Variants in ARHGAP15 observed in about 807,000 individuals in gnomAD.
ARHGAP15 encodes rho GTPase-activating protein 15.
A neutral mutation model predicts 63.7 loss-of-function variants in ARHGAP15; 51 were observed. The ratio of observed to expected loss-of-function variants is 0.80; its 90% CI spans 0.64 to 1.01. The LOEUF is 1.01. ARHGAP15 is among the 50% of genes least tolerant of loss of function. The pLI is 0.00. For missense variants in ARHGAP15, 560 were observed against 564.6 expected (o/e 0.99, Z 0.08); for synonymous variants, 191 against 193.8 (o/e 0.99, Z 0.12).
At chr2:143,441,008 A>G (rs969321640) in intron 8 of ARHGAP15, among the ~76,000 whole-genome samples, 3 of 152,208 alleles carry the variant, frequency 2.0e-5, no homozygotes, top group Non-Finnish European at 2.9e-5. Flanking sequence ...ATCTATAAAA[A>G]TGGGTCTAAT....
chr2:143,138,276 T>A (rs1689225037), intron 1 of ARHGAP15, among the ~76,000 whole-genome samples: 1 of 152,042 alleles, frequency 6.6e-6, no homozygotes, highest in African/African-American at 2.4e-5. Flanking sequence ...GAAGCTAAGG[T>A]TAAGAGATTA....
At chr2:143,638,919 T>C (rs1344893233) in intron 12 of ARHGAP15, among the ~76,000 whole-genome samples, 2 of 152,060 alleles carry the variant, frequency 1.3e-5, no homozygotes, top group African/African-American at 4.8e-5. Context: ...TTTCACTATT[T>C]AAGTTTATTT....
chr2:143,400,825 G>A (rs1022687471), intron 6 of ARHGAP15, among the ~76,000 whole-genome samples: 1 of 151,984 alleles, frequency 6.6e-6, no homozygotes, highest in Non-Finnish European at 1.5e-5. Flanking sequence ...TAGGGGAGTT[G>A]AGTAGACTTT....
chr2:143,664,903 G>C (rs374456588), intron 12 of ARHGAP15, among the ~76,000 whole-genome samples: 2 of 151,840 alleles, frequency 1.3e-5, no homozygotes, highest in Non-Finnish European at 2.9e-5. Context: ...AATAACAGGA[G>C]CTGAAATTGT....
chr2:143,240,729 T>A (rs1302839030), intron 5 of ARHGAP15, among the ~76,000 whole-genome samples: 1 of 152,084 alleles, frequency 6.6e-6, no homozygotes, highest in Non-Finnish European at 1.5e-5. Context: ...ATCTGGAGGA[T>A]AATGGGTAGA....
chr2:143,506,877 G>T (rs1693348489), intron 9 of ARHGAP15, among the ~76,000 whole-genome samples: 1 of 138,242 alleles, frequency 7.2e-6, no homozygotes, highest in Non-Finnish European at 1.6e-5. Flanking sequence ...GAAATATTAG[G>T]GTATTTTCCT....
intron 12 of ARHGAP15, among the ~76,000 whole-genome samples, chr2:143,636,500 TGCTCAGA>T (rs1453000015): frequency 6.6e-6 from 1 of 152,146 alleles, no homozygotes; most frequent in Non-Finnish European, 1.5e-5. Context: ...GGATTTGTGA[TGCTCAGA>T]GCTTCTGCGA....
At chr2:143,360,219 T>TAA (rs34612735) in intron 6 of ARHGAP15, among the ~76,000 whole-genome samples, 21 of 137,912 alleles carry the variant, frequency 1.5e-4, no homozygotes, top group African/African-American at 5.4e-4. Flanking sequence ...TACAAGGAAT[T>TAA]AAAAAAAAAA....
intron 9 of ARHGAP15, among the ~76,000 whole-genome samples, chr2:143,515,699 GA>G (rs1389347164): frequency 6.6e-6 from 1 of 152,148 alleles, no homozygotes; most frequent in Admixed American, 6.5e-5. Context: ...AAAATCAATA[GA>G]GATGATTTTC....
At chr2:143,527,630 A>G (rs886692946) in intron 10 of ARHGAP15, among the ~76,000 whole-genome samples, 1 of 152,046 alleles carries the variant, frequency 6.6e-6, no homozygotes, top group Non-Finnish European at 1.5e-5. Context: ...ACTCTTTTTT[A>G]AGAAGATAAT....
chr2:143,208,439 G>A (rs1692435466), intron 3 of ARHGAP15, among the ~76,000 whole-genome samples: 1 of 152,102 alleles, frequency 6.6e-6, no homozygotes, highest in Admixed American at 6.6e-5. Context: ...TAAACAGCAT[G>A]GTTAAACAGA....
intron 13 of ARHGAP15, among the ~76,000 whole-genome samples, chr2:143,744,691 A>G (rs1420122993): frequency 1.3e-5 from 2 of 152,246 alleles, no homozygotes; most frequent in Non-Finnish European, 2.9e-5. Flanking sequence ...CTATTGCAAT[A>G]AAATTATCAC....
At chr2:143,536,610 G>A (rs1694777511) in intron 10 of ARHGAP15, among the ~76,000 whole-genome samples, 1 of 149,180 alleles carries the variant, frequency 6.7e-6, no homozygotes, top group Non-Finnish European at 1.5e-5. Flanking sequence ...ACCTATGAAC[G>A]AGAACATGCG....
chr2:143,707,563 C>A (rs1439877218), intron 13 of ARHGAP15, among the ~76,000 whole-genome samples: 1 of 152,134 alleles, frequency 6.6e-6, no homozygotes, highest in African/African-American at 2.4e-5. Flanking sequence ...GCTAACATAT[C>A]GGAAAACCCG....
chr2:143,721,690 C>CT lies in ARHGAP15; in HGVS notation c.1244+18179dup, dbSNP rs890798975. On this transcript the variant is annotated intron_variant, in intron 13 of 13. Coordinates refer to ENST00000295095, the MANE Select transcript of ARHGAP15 (RefSeq NM_018460.4). Reference sequence around the variant, plus strand: ...GCTGAAAAACGTGGACCTTTTTAAACTTTTTTTTTTTTTGGAAACGGAGTC... The same window carrying CT: ...GCTGAAAAACGTGGACCTTTTTAAACTTTTTTTTTTTTTTGGAAACGGAGTC... Among the ~76,000 whole-genome samples, 912 of 146,152 alleles carry CT rather than the reference C, an allele frequency of 6.2e-3. 5 individuals carry two copies. Among genetic ancestry groups the CT allele is most frequent in the South Asian group, 0.015 (68 of 4,656 alleles).
chr2:143,371,404 T>A lies in ARHGAP15; in HGVS notation c.475-64197T>A, dbSNP rs143633123. ...TTTGGCAATCTCTAGAGTTTCTACA[T>A]GAGACTCCAAGATGGCATATTGTCC... is the stretch of plus-strand genomic sequence containing the variant. On this transcript the variant is annotated intron_variant, in intron 6 of 13. Transcript: ENST00000295095. 8.5e-5 allele frequency among the ~76,000 whole-genome samples: 13 copies of A among 152,332 alleles called. No individual in the cohort carries two copies. In the East Asian group the frequency reaches 2.5e-3, roughly 29 times the overall value.
At chr2:143,173,760 A>G (rs765486729) in intron 2 of ARHGAP15, among the ~76,000 whole-genome samples, 3 of 152,132 alleles carry the variant, frequency 2.0e-5, no homozygotes, top group Non-Finnish European at 4.4e-5. Context: ...TGGTAGATTG[A>G]TAACAGTCTC....
At position 143,530,785 on chromosome 2, in the gene ARHGAP15, G is replaced by A. The variant is rs1158700287; in HGVS notation, c.925+11421G>A. 3.3e-5 allele frequency among the ~76,000 whole-genome samples: 5 copies of A among 152,052 alleles called. No homozygotes were observed. In the South Asian group the frequency reaches 6.2e-4, roughly 19 times the overall value. Reference sequence around the variant, plus strand: ...ATTTCTAAACTCCTTAAGTCCATTTGTATGATTCTTTTGTCCTCACAGATG... The same window carrying A: ...ATTTCTAAACTCCTTAAGTCCATTTATATGATTCTTTTGTCCTCACAGATG... On this transcript the variant is annotated intron_variant, in intron 10 of 13. Coordinates refer to ENST00000295095, the MANE Select transcript of ARHGAP15 (RefSeq NM_018460.4).
chr2:143,438,184 A>C (rs11892116), intron 8 of ARHGAP15, among the ~76,000 whole-genome samples: 112,056 of 151,934 alleles, frequency 0.74, 41,446 homozygotes, highest in East Asian at 0.81. Context: ...GTATACTGAC[A>C]TCCTAAACTT....
Sources: gnomAD v4.1 joint callset for allele counts (sites outside exome capture counted in the v4.1 genomes callset) on GRCh38, gnomAD v4.1.1 for gene constraint, MANE v1.5 for transcripts, NCBI Gene and HGNC (gene_info 2026-07-23, HGNC 2026-07-21) for gene names.